DSCAM: variants seen among roughly 807,000 people sequenced by gnomAD.
DSCAM encodes the protein DS cell adhesion molecule.
In DSCAM, 47 loss-of-function variants were observed where a neutral mutation model predicts 217.7. The observed-to-expected ratio is 0.22, with a 90% CI of 0.17 to 0.28. The LOEUF is 0.28. Among genes scored for constraint, DSCAM ranks in the 10% least tolerant of loss-of-function variants. The pLI is 1.00. For synonymous variants in DSCAM, 1,056 were observed against 1,015.3 expected (o/e 1.04, Z -0.76); for missense variants, 2,080 against 2,618.3 (o/e 0.79, Z 4.49).
intron 1 of DSCAM, among the ~76,000 whole-genome samples, chr21:40,807,635 TAAAGACCC>T (rs1466819029): frequency 6.6e-6 from 1 of 152,094 alleles, no homozygotes; most frequent in Non-Finnish European, 1.5e-5. Context: ...ACTGACAATA[TAAAGACCC>T]AAAGGTCATA....
chr21:40,629,093 GT>G (rs1237572960), intron 3 of DSCAM, among the ~76,000 whole-genome samples: 1 of 104,724 alleles, frequency 9.5e-6, no homozygotes, highest in Non-Finnish European at 2.2e-5. Flanking sequence ...GTGTGTGTGT[GT>G]GTGTGTGTGT....
At chr21:40,377,442 G>A (rs796359472) in intron 3 of DSCAM, among the ~76,000 whole-genome samples, 5 of 152,178 alleles carry the variant, frequency 3.3e-5, no homozygotes, top group African/African-American at 1.2e-4. Context: ...TAACCTAAAG[G>A]TTCAACAGAG....
At chr21:40,735,328 C>T (rs1016437317) in intron 1 of DSCAM, among the ~76,000 whole-genome samples, 2 of 152,178 alleles carry the variant, frequency 1.3e-5, no homozygotes, top group Non-Finnish European at 2.9e-5. Context: ...GGAAATACAA[C>T]TAGTTAAGGA....
chr21:40,362,159 A>G (rs1255905906), intron 4 of DSCAM, among the ~76,000 whole-genome samples: 1 of 152,070 alleles, frequency 6.6e-6, no homozygotes, highest in African/African-American at 2.4e-5. Flanking sequence ...CGTTTTCTTA[A>G]TCCAGTCTAT....
chr21:40,633,786 G>A (rs765887582), intron 3 of DSCAM, among the ~76,000 whole-genome samples: 1 of 152,142 alleles, frequency 6.6e-6, no homozygotes, highest in African/African-American at 2.4e-5. Flanking sequence ...TTTTGAGAGC[G>A]TGTTCAATGG....
intron 8 of DSCAM, among the ~76,000 whole-genome samples, chr21:40,318,403 G>A (rs933721013): frequency 9.2e-5 from 14 of 151,612 alleles, no homozygotes; most frequent in East Asian, 7.8e-4. Flanking sequence ...TAATAATGAC[G>A]ACATGGCAGG....
chr21:40,478,102 C>A (rs2075952775), intron 3 of DSCAM, among the ~76,000 whole-genome samples: 1 of 152,228 alleles, frequency 6.6e-6, no homozygotes, highest in African/African-American at 2.4e-5. Context: ...TAGAACCACA[C>A]AGAATATATT....
chr21:40,818,033 T>C (rs1452382211), intron 1 of DSCAM, among the ~76,000 whole-genome samples: 1 of 137,882 alleles, frequency 7.3e-6, no homozygotes, highest in Non-Finnish European at 1.5e-5. Flanking sequence ...GAGGCGGAGC[T>C]TGCAGTGAGC....
intron 3 of DSCAM, among the ~76,000 whole-genome samples, chr21:40,627,460 T>C (rs564408849): frequency 1.3e-5 from 2 of 152,316 alleles, no homozygotes; most frequent in East Asian, 1.9e-4. Flanking sequence ...CTAAAATCAC[T>C]TGGGATTTTA....
chr21:40,314,767 T>C (rs73227040), intron 8 of DSCAM, among the ~76,000 whole-genome samples: 10,237 of 152,278 alleles, frequency 0.067, 487 homozygotes, highest in Non-Finnish European at 0.11. Flanking sequence ...GATAAGAACT[T>C]TGGAGCCAGG....
At chr21:40,270,802 A>C (rs536072024) in intron 11 of DSCAM, among the ~76,000 whole-genome samples, 109 of 152,228 alleles carry the variant, frequency 7.2e-4, no homozygotes, top group Non-Finnish European at 9.9e-4. Context: ...TCCTCCTCCA[A>C]GAAGTATCAC....
At chr21:40,213,013 C>T (rs2091200619) in intron 11 of DSCAM, among the ~76,000 whole-genome samples, 1 of 152,182 alleles carries the variant, frequency 6.6e-6, no homozygotes, top group Admixed American at 6.5e-5. Flanking sequence ...CTCAGAGCCT[C>T]CAGAAGGCAC....
At chr21:40,749,075 CT>C (rs1346331088) in intron 1 of DSCAM, among the ~76,000 whole-genome samples, 2 of 152,036 alleles carry the variant, frequency 1.3e-5, no homozygotes, top group African/African-American at 4.8e-5. Context: ...CAAAAATCAA[CT>C]CAAATAAGAT....
intron 11 of DSCAM, among the ~76,000 whole-genome samples, chr21:40,211,809 C>A (rs1344102081): frequency 6.6e-6 from 1 of 152,202 alleles, no homozygotes; most frequent in Non-Finnish European, 1.5e-5. Flanking sequence ...ATCCACACCT[C>A]ATTATTCTCC....
intron 26 of DSCAM, among the ~76,000 whole-genome samples, chr21:40,077,954 T>C (rs1001330784): frequency 1.3e-5 from 2 of 152,224 alleles, no homozygotes; most frequent in African/African-American, 4.8e-5. Context: ...TGCTGGGACT[T>C]TCTAAAGTTC....
intron 3 of DSCAM, among the ~76,000 whole-genome samples, chr21:40,503,015 G>A (rs1008694208): frequency 6.6e-6 from 1 of 152,154 alleles, no homozygotes; most frequent in East Asian, 1.9e-4. Flanking sequence ...TCTCATTTGC[G>A]ACAGTGATGC....
chr21:40,788,618 T>C (rs1248092561), intron 1 of DSCAM, among the ~76,000 whole-genome samples: 1 of 152,220 alleles, frequency 6.6e-6, no homozygotes, highest in Non-Finnish European at 1.5e-5. Flanking sequence ...CTTGCAGTGA[T>C]AGCTACTTTT....
At chr21:40,385,203 A>T (rs2075071219) in intron 3 of DSCAM, 1 of 152,062 alleles carries the variant, frequency 6.6e-6, no homozygotes, top group South Asian at 2.1e-4. Context: ...TCATGGAAAA[A>T]CTCACTTTTC....
At chr21:40,353,109 T>A (rs2074651023) in intron 5 of DSCAM, among the ~76,000 whole-genome samples, 1 of 152,154 alleles carries the variant, frequency 6.6e-6, no homozygotes, top group Non-Finnish European at 1.5e-5. Context: ...AATCCTACCC[T>A]CTCTCTCTGT....
Sources: allele counts gnomAD v4.1 joint callset (sites outside exome capture counted in the v4.1 genomes callset), GRCh38; gene constraint gnomAD v4.1.1; transcripts MANE v1.5; gene names NCBI Gene and HGNC (gene_info 2026-07-23, HGNC 2026-07-21).